The following NSUN7 variants were observed in gnomAD, a reference collection of about 807,000 sequenced individuals.
The protein encoded by NSUN7 is protein NSUN7.
Under a neutral mutation model 58.5 loss-of-function variants are expected in NSUN7, and 39 were observed. The ratio of observed to expected loss-of-function variants is 0.67; its 90% CI spans 0.52 to 0.87. The LOEUF (loss-of-function observed/expected upper bound fraction) is 0.87. NSUN7 is among the 40% of genes least tolerant of loss of function. The pLI is 0.00. For synonymous variants in NSUN7, 278 were observed against 303.7 expected (o/e 0.92, Z 0.88); for missense variants, 765 against 844.1 (o/e 0.91, Z 1.16).
intron 4 of NSUN7, among the ~76,000 whole-genome samples, chr4:40,771,183 G>A (rs188776523): frequency 3.9e-4 from 60 of 152,254 alleles, no homozygotes; most frequent in Middle Eastern, 3.4e-3. Flanking sequence ...CAGGAAGGGC[G>A]GTGATGTAGC....
chr4:40,809,272 T>A lies in NSUN7; in HGVS notation c.*333T>A. 4.9e-6 allele frequency: 1 copy of A among 205,024 alleles called. No individual in the cohort carries two copies. Among genetic ancestry groups the A allele is most frequent in the Non-Finnish European group, 9.7e-6 (1 of 102,638 alleles). 12.7% of individuals were successfully genotyped at this position (205,024 alleles called of 1,614,324 possible). On this transcript the variant is annotated 3_prime_UTR_variant, in exon 12 of 12. Coordinates refer to ENST00000381782, the MANE Select transcript of NSUN7 (RefSeq NM_024677.6). ...GTTTCCCCTGCAGGGAAGGAAACAC[T>A]GCCTCCCTTCAGCAGGTAGCTCATT...
chr4:40,773,923 C>T (rs564248858), intron 4 of NSUN7, among the ~76,000 whole-genome samples: 189 of 152,060 alleles, frequency 1.2e-3, no homozygotes, highest in Non-Finnish European at 2.3e-3. Context: ...CTCAACCTCC[C>T]GAGTAGCTGG....
intron 9 of NSUN7, among the ~76,000 whole-genome samples, chr4:40,794,971 A>G (rs1012045555): frequency 6.6e-5 from 10 of 152,230 alleles, no homozygotes; most frequent in African/African-American, 2.2e-4. Context: ...AGTGATTTAT[A>G]TCATTGCTTT....
rs774353415 is a variant in NSUN7, at chr4:40,807,012, G to A, written c.1401-49G>A. 2.0e-6 allele frequency: 3 copies of A among 1,534,324 alleles called. No homozygotes were observed. Among genetic ancestry groups the A allele is most frequent in the Non-Finnish European group, 2.6e-6 (3 of 1,141,382 alleles). On this transcript the variant is annotated intron_variant, in intron 10 of 11. Coordinates refer to ENST00000381782, the MANE Select transcript of NSUN7 (RefSeq NM_024677.6). ...GTGTAATTTACTTTCTTCCTCTCTT[G>A]GCAAAGAAGCCATTCTAACTGCTGA...
chr4:40,756,943 A>T (rs1227819752), intron 2 of NSUN7, among the ~76,000 whole-genome samples: 2 of 152,156 alleles, frequency 1.3e-5, no homozygotes, highest in South Asian at 4.1e-4. Flanking sequence ...AAAACAAACA[A>T]AAAAGGGCCA....
intron 9 of NSUN7, among the ~76,000 whole-genome samples, chr4:40,797,892 G>T (rs757692601): frequency 1.3e-5 from 2 of 152,124 alleles, no homozygotes; most frequent in Non-Finnish European, 2.9e-5. Flanking sequence ...CCTCTGCTCT[G>T]ATCAAACCGG....
intron 2 of NSUN7, among the ~76,000 whole-genome samples, chr4:40,759,455 C>T (rs1438117304): frequency 1.3e-5 from 2 of 152,218 alleles, no homozygotes; most frequent in Non-Finnish European, 2.9e-5. Flanking sequence ...TTGCAGTTAT[C>T]ATAACCTCTG....
At chr4:40,759,209 G>A (rs1215049831) in intron 2 of NSUN7, among the ~76,000 whole-genome samples, 5 of 151,878 alleles carry the variant, frequency 3.3e-5, no homozygotes, top group Admixed American at 1.3e-4. Flanking sequence ...TGCTTGGTAG[G>A]CTGAGACAGG....
At chr4:40,793,853 T>C (rs1743207283) in intron 8 of NSUN7, among the ~76,000 whole-genome samples, 1 of 152,236 alleles carries the variant, frequency 6.6e-6, no homozygotes. Context: ...TTTAAATTAT[T>C]TTTCAAAAAT....
In NSUN7 at chr4:40,808,838, GT is replaced by G. The variant is rs1306940567; in HGVS notation, c.2057del (p.Val686GlyfsTer56). ...TCGTTGGGTTGCACCCAAGGCACTT[GT>G]GCCCACCTGCCTTCCCACACACTCA... ...YCRWVAPKAL[V>X]PTCLPTHSLS... On this transcript the variant is annotated frameshift_variant, in exon 12 of 12. Coordinates refer to ENST00000381782, the MANE Select transcript of NSUN7 (RefSeq NM_024677.6). LOFTEE classifies it low-confidence loss of function (END_TRUNC). 6 of 1,549,410 alleles carry G rather than the reference GT, an allele frequency of 3.9e-6. No individual in the cohort carries two copies. In the East Asian group the frequency reaches 1.5e-4, roughly 38 times the overall value.
intron 7 of NSUN7, chr4:40,786,255 C>G: frequency 6.2e-7 from 1 of 1,613,828 alleles, no homozygotes; most frequent in East Asian, 2.2e-5. Context: ...TTGTAAATAC[C>G]GTACCTACCA....
intron 2 of NSUN7, among the ~76,000 whole-genome samples, chr4:40,754,744 T>C (rs1445236791): frequency 6.6e-6 from 1 of 152,210 alleles, no homozygotes; most frequent in African/African-American, 2.4e-5. Flanking sequence ...TACCATAATA[T>C]TTAAGGAGTA....
intron 4 of NSUN7, among the ~76,000 whole-genome samples, chr4:40,765,797 A>G (rs1741696390): frequency 2.0e-5 from 3 of 152,274 alleles, no homozygotes; most frequent in South Asian, 2.1e-4. Context: ...GGTCCTTCAC[A>G]TCCCTTGTAA....
At chr4:40,792,644 G>T (rs996816700) in intron 8 of NSUN7, among the ~76,000 whole-genome samples, 2 of 152,106 alleles carry the variant, frequency 1.3e-5, no homozygotes, top group Admixed American at 1.3e-4. Context: ...CCAGCTACTC[G>T]GGAGGCTGAG....
At chr4:40,767,763 CTT>C (rs922455888) in intron 4 of NSUN7, among the ~76,000 whole-genome samples, 1 of 152,182 alleles carries the variant, frequency 6.6e-6, no homozygotes, top group Non-Finnish European at 1.5e-5. Flanking sequence ...GATGTTAGGA[CTT>C]TAATTTGCTT....
At chr4:40,805,144 TTTG>T (rs1743761304) in intron 10 of NSUN7, among the ~76,000 whole-genome samples, 2 of 152,178 alleles carry the variant, frequency 1.3e-5, no homozygotes, top group Admixed American at 1.3e-4. Context: ...CCATTGTGTG[TTTG>T]TTTTCTTTTT....
At chr4:40,796,305 C>T (rs1743323447) in intron 9 of NSUN7, among the ~76,000 whole-genome samples, 1 of 152,106 alleles carries the variant, frequency 6.6e-6, no homozygotes, top group Non-Finnish European at 1.5e-5. Flanking sequence ...CCACTGCACT[C>T]CAGCCTGGGT....
intron 4 of NSUN7, among the ~76,000 whole-genome samples, chr4:40,770,530 C>T (rs993261729): frequency 3.3e-5 from 5 of 152,148 alleles, no homozygotes; most frequent in Non-Finnish European, 5.9e-5. Flanking sequence ...CCATCATAAA[C>T]AGAGTTCATC....
rs1401041151 is a variant in NSUN7 at position 40,786,535 on chromosome 4, T to C, written c.1037-4067T>C. ...TAACAAACAAGATTTGAAGAACTCA[T>C]TGTCTCTTTCAGAAATTGAGAAATT... On this transcript the variant is annotated intron_variant, in intron 7 of 11. Coordinates refer to ENST00000381782, the MANE Select transcript of NSUN7 (RefSeq NM_024677.6). The C allele has an allele frequency of 5.6e-6, 9 of 1,613,266 alleles. No homozygotes were observed. The East Asian group carries it at 2.0e-4, about 36-fold the overall frequency.
Sources: gnomAD v4.1 joint callset for allele counts (sites outside exome capture counted in the v4.1 genomes callset) on GRCh38, gnomAD v4.1.1 for gene constraint, MANE v1.5 for transcripts, NCBI Gene and HGNC (gene_info 2026-07-23, HGNC 2026-07-21) for gene names.